ITFG1: variants seen among roughly 807,000 people sequenced by gnomAD.
The protein encoded by ITFG1 is integrin alpha FG-GAP repeat containing 1.
A neutral mutation model predicts 81.8 loss-of-function variants in ITFG1; 34 were observed. The observed-to-expected ratio is 0.42, with a 90% CI of 0.32 to 0.55. ITFG1 has a LOEUF of 0.55. Ranked by LOEUF, ITFG1 falls within the 20% of genes least tolerant of loss-of-function variation. The pLI is 0.17. For missense variants in ITFG1, 672 were observed against 755.4 expected, an observed-to-expected ratio of 0.89 and a Z score of 1.29; for synonymous variants, 285 against 270.6, an observed-to-expected ratio of 1.05 and a Z score of -0.52.
chr16:47,398,242 T>C (rs1478486935), intron 6 of ITFG1, among the ~76,000 whole-genome samples: 2 of 152,056 alleles, frequency 1.3e-5, no homozygotes, highest in African/African-American at 4.8e-5. Context: ...CAGTGTCTAT[T>C]TACAGGCGCT....
chr16:47,298,968 G>A (rs1967028328), intron 10 of ITFG1, among the ~76,000 whole-genome samples: 1 of 152,066 alleles, frequency 6.6e-6, no homozygotes, highest in South Asian at 2.1e-4. Flanking sequence ...AGCCAGATTG[G>A]GGAACCCTGC....
chr16:47,234,439 G>A (rs1044938363), intron 13 of ITFG1, among the ~76,000 whole-genome samples: 2 of 152,136 alleles, frequency 1.3e-5, no homozygotes, highest in African/African-American at 4.8e-5. Context: ...GTAAATACAC[G>A]TAGTAGGAAT....
At chr16:47,340,143 T>C (rs1967761669) in intron 8 of ITFG1, among the ~76,000 whole-genome samples, 1 of 152,086 alleles carries the variant, frequency 6.6e-6, no homozygotes, top group African/African-American at 2.4e-5. Flanking sequence ...ATGTAAGATA[T>C]TCCCAGATAA....
At chr16:47,198,318 A>G (rs1045636603) in intron 14 of ITFG1, among the ~76,000 whole-genome samples, 3 of 152,194 alleles carry the variant, frequency 2.0e-5, no homozygotes, top group African/African-American at 4.8e-5. Context: ...GTCCCATAAA[A>G]TTATAATGGA....
intron 6 of ITFG1, among the ~76,000 whole-genome samples, chr16:47,412,141 A>G (rs1373297406): frequency 6.6e-6 from 1 of 152,220 alleles, no homozygotes; most frequent in Non-Finnish European, 1.5e-5. Context: ...TCAAAAAGAT[A>G]AAGGAATACC....
At chr16:47,374,098 C>T (rs868525053) in intron 7 of ITFG1, among the ~76,000 whole-genome samples, 3 of 152,156 alleles carry the variant, frequency 2.0e-5, no homozygotes, top group African/African-American at 7.2e-5. Flanking sequence ...CCACTGACCC[C>T]CATCCTGCTC....
At chr16:47,187,005 T>A (rs1382930212) in intron 14 of ITFG1, among the ~76,000 whole-genome samples, 1 of 152,170 alleles carries the variant, frequency 6.6e-6, no homozygotes. Context: ...TGAACTCCCA[T>A]TCACAATTGC....
intron 17 of ITFG1, among the ~76,000 whole-genome samples, chr16:47,158,522 C>T (rs758990642): frequency 2.2e-4 from 33 of 152,190 alleles, no homozygotes; most frequent in Non-Finnish European, 4.0e-4. Flanking sequence ...TTTATCAGTA[C>T]ATACTGAACA....
chr16:47,293,724 G>A (rs1349947294), intron 10 of ITFG1, among the ~76,000 whole-genome samples: 1 of 151,784 alleles, frequency 6.6e-6, no homozygotes, highest in Non-Finnish European at 1.5e-5. Flanking sequence ...TTTGGTTGTT[G>A]TTGGATTGAG....
At chr16:47,236,833 T>A (rs968210148) in intron 13 of ITFG1, among the ~76,000 whole-genome samples, 18 of 152,138 alleles carry the variant, frequency 1.2e-4, no homozygotes, top group Non-Finnish European at 7.4e-5. Context: ...GATCTTCTCT[T>A]CAGGACCTAC....
intron 10 of ITFG1, among the ~76,000 whole-genome samples, chr16:47,296,285 C>G (rs1257030872): frequency 6.6e-6 from 1 of 151,500 alleles, no homozygotes; most frequent in African/African-American, 2.4e-5. Flanking sequence ...ATAAACTTCC[C>G]TCTTAGCACT....
chr16:47,362,048 T>C (rs1011550238), intron 8 of ITFG1, among the ~76,000 whole-genome samples: 1 of 152,178 alleles, frequency 6.6e-6, no homozygotes. Flanking sequence ...CCAATCCAGC[T>C]CCCTCTCCTG....
chr16:47,423,041 A>G (rs1277995954), intron 6 of ITFG1, among the ~76,000 whole-genome samples: 4 of 152,082 alleles, frequency 2.6e-5, no homozygotes, highest in African/African-American at 9.7e-5. Flanking sequence ...GTCTCCCATT[A>G]TTATTGTGTG....
chr16:47,213,385 T>C (rs939441355), intron 14 of ITFG1, among the ~76,000 whole-genome samples: 6 of 152,212 alleles, frequency 3.9e-5, no homozygotes, highest in African/African-American at 9.6e-5. Flanking sequence ...TGTATTGCTG[T>C]TGTTGGGCAG....
At chr16:47,441,115 C>T (rs2151614537) in intron 5 of ITFG1, among the ~76,000 whole-genome samples, 1 of 152,240 alleles carries the variant, frequency 6.6e-6, no homozygotes, top group African/African-American at 2.4e-5. Context: ...TACACCCTCC[C>T]AAGACTAAAC....
intron 6 of ITFG1, among the ~76,000 whole-genome samples, chr16:47,425,409 G>A (rs1969007220): frequency 6.6e-6 from 1 of 152,100 alleles, no homozygotes; most frequent in Non-Finnish European, 1.5e-5. Context: ...CCTGGGTAAG[G>A]CGACACCCCA....
intron 8 of ITFG1, among the ~76,000 whole-genome samples, chr16:47,325,893 G>A (rs1239632327): frequency 3.9e-5 from 6 of 152,124 alleles, no homozygotes; most frequent in Non-Finnish European, 8.8e-5. Flanking sequence ...TCTACCTGAG[G>A]TACAAGGAGG....
chr16:47,419,042 A>C (rs1968908285), intron 6 of ITFG1, among the ~76,000 whole-genome samples: 1 of 152,214 alleles, frequency 6.6e-6, no homozygotes, highest in African/African-American at 2.4e-5. Context: ...ATCTATTTTT[A>C]ATCTACTAAC....
At chr16:47,345,668 T>A (rs1967844101) in intron 8 of ITFG1, among the ~76,000 whole-genome samples, 2 of 152,344 alleles carry the variant, frequency 1.3e-5, no homozygotes, top group South Asian at 4.1e-4. Flanking sequence ...CTGGGCCACA[T>A]GCAGCCCACG....
Sources: allele counts gnomAD v4.1 joint callset (sites outside exome capture counted in the v4.1 genomes callset), GRCh38; gene constraint gnomAD v4.1.1; transcripts MANE v1.5; gene names NCBI Gene and HGNC (gene_info 2026-07-23, HGNC 2026-07-21).